SHPRH: variants seen among roughly 807,000 people sequenced by gnomAD.
SHPRH encodes E3 ubiquitin-protein ligase SHPRH.
In SHPRH, 106 loss-of-function variants were observed where a neutral mutation model predicts 202.5. That is an observed-to-expected ratio of 0.52 (90% CI 0.45 to 0.62). The LOEUF is 0.62. SHPRH is among the 20% of genes least tolerant of loss of function. The pLI is 0.00. For missense variants in SHPRH, 1,710 were observed against 2,020.0 expected (o/e 0.85, Z 2.94); for synonymous variants, 729 against 686.0 (o/e 1.06, Z -0.98).
intron 24 of SHPRH, among the ~76,000 whole-genome samples, chr6:145,910,944 C>A (rs1446792335): frequency 6.6e-6 from 1 of 152,044 alleles, no homozygotes; most frequent in Non-Finnish European, 1.5e-5. Flanking sequence ...ACAGATATAA[C>A]AGAGGGACTT....
intron 11 of SHPRH, among the ~76,000 whole-genome samples, chr6:145,936,764 T>C (rs1786114364): frequency 6.6e-6 from 1 of 152,196 alleles, no homozygotes. Context: ...TCAACAAATA[T>C]TTAGATTGAA....
At chr6:145,923,305 C>T (rs1329113517) in intron 18 of SHPRH, among the ~76,000 whole-genome samples, 7 of 151,590 alleles carry the variant, frequency 4.6e-5, no homozygotes, top group African/African-American at 1.7e-4. Context: ...TTAATTAAAT[C>T]TGTAATTATG....
chr6:145,879,997 C>G (rs1780488322), downstream of SHPRH, among the ~76,000 whole-genome samples: 1 of 149,380 alleles, frequency 6.7e-6, no homozygotes, highest in South Asian at 2.1e-4. Flanking sequence ...TGATGAAATT[C>G]TTCACGCCTT....
rs1787859558 is a variant in SHPRH, at chr6:145,950,466, A to G, written c.780T>C (p.Asp260=). 1 of 1,612,868 alleles carries G rather than the reference A, an allele frequency of 6.2e-7. No homozygotes were observed. ...CTGGCTCACTCTCCGGATCATCTTC[A>G]TCCTCTTCCAACACATCTGTACATC... ...NSIIPDVLEE[D]EDDPESEPEG... Residue 260 remains aspartate, a synonymous_variant, in exon 4 of 30, where the codon GAT becomes GAC. Coordinates refer to ENST00000275233, the MANE Select transcript of SHPRH (RefSeq NM_001042683.3).
chr6:145,870,249 A>T (rs1447345458), intron 2 of SHPRH, among the ~76,000 whole-genome samples: 1 of 146,422 alleles, frequency 6.8e-6, no homozygotes, highest in Non-Finnish European at 1.5e-5. Context: ...TTTTTTGTCA[A>T]TCGTTTCAGA....
At chr6:145,896,784 G>A (rs1782047867) in intron 25 of SHPRH, among the ~76,000 whole-genome samples, 1 of 151,950 alleles carries the variant, frequency 6.6e-6, no homozygotes, top group African/African-American at 2.4e-5. Context: ...TAAATAACAT[G>A]CTCTTGAACA....
intron 25 of SHPRH, among the ~76,000 whole-genome samples, chr6:145,900,913 C>T (rs1474736843): frequency 6.6e-6 from 1 of 152,040 alleles, no homozygotes; most frequent in Non-Finnish European, 1.5e-5. Flanking sequence ...TCTGCTGATG[C>T]AGAATCTGCA....
chr6:145,942,420 T>C (rs1786887656), intron 9 of SHPRH, among the ~76,000 whole-genome samples: 1 of 152,176 alleles, frequency 6.6e-6, no homozygotes, highest in African/African-American at 2.4e-5. Flanking sequence ...CTGATGGAAC[T>C]AAGACTCAAA....
chr6:145,897,305 C>G (rs766306257), intron 25 of SHPRH, among the ~76,000 whole-genome samples: 1 of 151,728 alleles, frequency 6.6e-6, no homozygotes, highest in Non-Finnish European at 1.5e-5. Context: ...GGATAAATTC[C>G]CAGAAACATA....
intron 20 of SHPRH, 112 bp downstream of exon 20, chr6:145,922,174 G>A: frequency 1.1e-6 from 1 of 898,946 alleles, no homozygotes. Flanking sequence ...TTTAATTAAA[G>A]AAACAATATA....
chr6:145,867,631 T>TATATATATATATATAGAGAGAG (rs1554220329), intron 2 of SHPRH, among the ~76,000 whole-genome samples: 3 of 22,318 alleles, frequency 1.3e-4, no homozygotes, highest in African/African-American at 4.3e-4. Flanking sequence ...TATATATATA[T>TATATATATATATATAGAGAGAG]AGAGAGAGAG....
downstream of SHPRH, among the ~76,000 whole-genome samples, chr6:145,860,512 TAGA>T (rs1222601740): frequency 2.0e-5 from 3 of 151,934 alleles, no homozygotes; most frequent in Non-Finnish European, 2.9e-5. Flanking sequence ...TACAAATAAA[TAGA>T]AGGACATTCT....
At chr6:145,930,825 T>C (rs1785361574) in intron 14 of SHPRH, among the ~76,000 whole-genome samples, 1 of 152,178 alleles carries the variant, frequency 6.6e-6, no homozygotes, top group South Asian at 2.1e-4. Context: ...TCTCTGACAA[T>C]AATTACGCAC....
chr6:145,894,835 G>C, intron 26 of SHPRH, 50 bp downstream of exon 26: 1 of 1,546,270 alleles, frequency 6.5e-7, no homozygotes, highest in Non-Finnish European at 8.9e-7. Flanking sequence ...ACTGATTAGA[G>C]AGGGAAAATC....
At chr6:145,931,828 G>C (rs1785484945) in intron 14 of SHPRH, among the ~76,000 whole-genome samples, 1 of 151,326 alleles carries the variant, frequency 6.6e-6, no homozygotes, top group African/African-American at 2.4e-5. Context: ...TCCCCACACA[G>C]ACTTTGTATC....
At position 145,884,820 on chromosome 6, in the gene SHPRH, T is replaced by C. The variant is rs1170753526; in HGVS notation, c.*1871A>G. On this transcript the variant is annotated 3_prime_UTR_variant, in exon 30 of 30. Transcript: ENST00000275233. ...AGAATTCCACAATTTTCATTTCCACTAAAATATTTATTTAATGGATATCTT... is the reference window on the plus strand; with the variant it reads ...AGAATTCCACAATTTTCATTTCCACCAAAATATTTATTTAATGGATATCTT... The C allele has an allele frequency of 6.6e-6, 1 of 152,150 alleles. No individual in the cohort carries two copies. Among genetic ancestry groups the C allele is most frequent in the Non-Finnish European group, 1.5e-5 (1 of 68,006 alleles). 9.4% of individuals were successfully genotyped at this position (152,150 alleles called of 1,614,324 possible).
intron 12 of SHPRH, 47 bp from the exon 13 acceptor site, chr6:145,935,210 T>A: frequency 6.3e-7 from 1 of 1,599,054 alleles, no homozygotes; most frequent in Non-Finnish European, 8.5e-7. Context: ...TCTAAAAATT[T>A]ATCTTTCCAT....
In SHPRH at chr6:145,888,011, A is replaced by G. The variant is rs368998783; in HGVS notation, c.4955+9T>C. 24 of 1,601,834 alleles carry G rather than the reference A, an allele frequency of 1.5e-5. No homozygotes were observed. Among genetic ancestry groups the G allele is most frequent in the Non-Finnish European group, 2.0e-5 (23 of 1,169,598 alleles). On this transcript the variant is annotated intron_variant, in intron 29 of 29. Transcript: ENST00000275233. ...TTCCCCCTTCTACTTGTGGTAAATT[A>G]TTACCTACCTTCTCTCAGCAGTTTT...
intron 14 of SHPRH, among the ~76,000 whole-genome samples, chr6:145,931,446 G>A (rs13201751): frequency 6.6e-6 from 1 of 151,960 alleles, no homozygotes; most frequent in African/African-American, 2.4e-5. Context: ...TCCGCCTCCG[G>A]GGTTCAAGTG....
Sources: gnomAD v4.1 joint callset for allele counts (sites outside exome capture counted in the v4.1 genomes callset) on GRCh38, gnomAD v4.1.1 for gene constraint, MANE v1.5 for transcripts, NCBI Gene and HGNC (gene_info 2026-07-23, HGNC 2026-07-21) for gene names.